Variants in DNAJB14 observed in about 807,000 individuals in gnomAD.
DNAJB14 encodes DnaJ heat shock protein family (Hsp40) member B14, also known as dnaJ homolog subfamily B member 14.
DNAJB14 carries 22 observed loss-of-function variants against 48.4 expected under a neutral mutation model. The observed-to-expected ratio is 0.45, with a 90% confidence interval of 0.32 to 0.65. The LOEUF is 0.65. Ranked by LOEUF, DNAJB14 falls within the 30% of genes least tolerant of loss-of-function variation. DNAJB14 has a pLI of 0.03. For synonymous variants in DNAJB14, 142 were observed against 158.7 expected (o/e 0.89, Z 0.79); for missense variants, 319 against 458.8 (o/e 0.70, Z 2.78).
rs1725192213 is a variant in DNAJB14, at chr4:99,898,324, A to G, written c.*2704T>C. The G allele has an allele frequency of 1.3e-5, 2 of 152,002 alleles. No homozygotes were observed. Among genetic ancestry groups the G allele is most frequent in the African/African-American group, 4.8e-5 (2 of 41,434 alleles). The allele number at this position is 152,002 out of a possible 1,614,324, so 9.4% of individuals were successfully genotyped here. Reference sequence around the variant, plus strand: ...AGCATGTAATGATTATGAAACAAATACTTATTTAGGTGTTCAAATGTAATC... The same window carrying G: ...AGCATGTAATGATTATGAAACAAATGCTTATTTAGGTGTTCAAATGTAATC... On this transcript the variant is annotated 3_prime_UTR_variant, in exon 8 of 8. Coordinates refer to ENST00000442697, the MANE Select transcript of DNAJB14 (RefSeq NM_001031723.4).
intron 2 of DNAJB14, chr4:99,928,611 T>C (rs1726344045): frequency 2.2e-6 from 1 of 453,160 alleles, no homozygotes; most frequent in African/African-American, 2.0e-5. Flanking sequence ...TTCTTTTTCT[T>C]TCAAGGCTAG....
intron 1 of DNAJB14, among the ~76,000 whole-genome samples, chr4:99,938,097 CA>C (rs59597113): frequency 0.012 from 481 of 40,972 alleles, no homozygotes; most frequent in Non-Finnish European, 0.018. Context: ...GTTAAAAATA[CA>C]AAAAAAAAAA....
At chr4:99,908,299 T>C (rs1256737614) in intron 4 of DNAJB14, among the ~76,000 whole-genome samples, 1 of 152,138 alleles carries the variant, frequency 6.6e-6, no homozygotes, top group African/African-American at 2.4e-5. Context: ...TCTACATATA[T>C]CCAAATTAGC....
rs1725244817 is a variant in DNAJB14 at position 99,900,037 on chromosome 4, T to C, written c.*991A>G. ...CTACTTATATGTTTAGGAGTTGGCA[T>C]AGGGTTAAAAGGCACAAAGCTGTAT... is the stretch of plus-strand genomic sequence containing the variant. On this transcript the variant is annotated 3_prime_UTR_variant, in exon 8 of 8. Transcript: ENST00000442697. 6.6e-6 allele frequency: 1 copy of C among 152,420 alleles called. No individual in the cohort carries two copies. 9.4% of individuals were successfully genotyped at this position (152,420 alleles called of 1,614,324 possible).
chr4:99,939,954 T>G (rs977421079), intron 1 of DNAJB14, among the ~76,000 whole-genome samples: 2 of 152,234 alleles, frequency 1.3e-5, no homozygotes, highest in South Asian at 4.1e-4. Flanking sequence ...AACATTCACT[T>G]TTATGAAAAA....
intron 1 of DNAJB14, among the ~76,000 whole-genome samples, chr4:99,939,295 G>C (rs1352350534): frequency 6.6e-6 from 1 of 152,226 alleles, no homozygotes; most frequent in Non-Finnish European, 1.5e-5. Context: ...CCGGGAGATG[G>C]AGGTTGCAGT....
rs982877563 is a variant in DNAJB14 at position 99,905,983 on chromosome 4, C to T, written c.733-277G>A. 3.1e-6 allele frequency: 4 copies of T among 1,289,026 alleles called. No individual in the cohort carries two copies. In the African/African-American group the frequency reaches 4.6e-5, roughly 15 times the overall value. The allele number at this position is 1,289,026 out of a possible 1,614,324, so 79.8% of individuals were successfully genotyped here. On this transcript the variant is annotated intron_variant, in intron 5 of 7. Coordinates refer to ENST00000442697, the MANE Select transcript of DNAJB14 (RefSeq NM_001031723.4). ...CTCTTTCTCTTTCCCGACTCCCTCC[C>T]CCCCACACACAGAGACGCTATCAAT...
intron 7 of DNAJB14, among the ~76,000 whole-genome samples, chr4:99,903,354 T>C (rs1288475043): frequency 1.3e-5 from 2 of 151,922 alleles, no homozygotes; most frequent in Non-Finnish European, 2.9e-5. Flanking sequence ...AGTTTCAAAC[T>C]TAACTCTGAA....
chr4:99,913,499 G>C (rs1219267056), intron 3 of DNAJB14, among the ~76,000 whole-genome samples: 5 of 151,734 alleles, frequency 3.3e-5, no homozygotes, highest in African/African-American at 1.2e-4. Flanking sequence ...ATAGTGAATT[G>C]ACTTTGCTAC....
intron 1 of DNAJB14, among the ~76,000 whole-genome samples, chr4:99,937,038 C>T (rs987839046): frequency 6.6e-6 from 1 of 152,204 alleles, no homozygotes; most frequent in African/African-American, 2.4e-5. Flanking sequence ...ATAACATCGC[C>T]AGGCGCAGTG....
intron 2 of DNAJB14, chr4:99,927,291 T>C (rs1726292558): frequency 6.6e-6 from 1 of 152,180 alleles, no homozygotes; most frequent in African/African-American, 2.4e-5. Context: ...TCGATTCTCT[T>C]TTTTTCATGT....
intron 3 of DNAJB14, among the ~76,000 whole-genome samples, chr4:99,920,216 G>T (rs1006301545): frequency 1.3e-5 from 2 of 152,144 alleles, no homozygotes; most frequent in Non-Finnish European, 1.5e-5. Context: ...TTCTGTGTAA[G>T]GTTTATTTCC....
intron 3 of DNAJB14, 176 bp downstream of exon 3, chr4:99,922,845 TTTTGTGAAGCCAAACTGCA>T: frequency 1.9e-6 from 1 of 533,348 alleles, no homozygotes. Flanking sequence ...GGAATGTTGC[TTTTGTGAAGCCAAACTGCA>T]TTTGTTTGCC....
intron 3 of DNAJB14, among the ~76,000 whole-genome samples, chr4:99,914,723 G>A (rs571785956): frequency 3.9e-5 from 6 of 152,024 alleles, no homozygotes; most frequent in Admixed American, 3.3e-4. Context: ...ATTTCTACAG[G>A]GCTATTCACG....
At chr4:99,914,132 C>T (rs974691626) in intron 3 of DNAJB14, among the ~76,000 whole-genome samples, 5 of 152,136 alleles carry the variant, frequency 3.3e-5, no homozygotes, top group African/African-American at 1.2e-4. Flanking sequence ...ACTGTGAGAA[C>T]AGCAGCAAGA....
At chr4:99,918,197 C>G (rs1725925781) in intron 3 of DNAJB14, among the ~76,000 whole-genome samples, 1 of 152,152 alleles carries the variant, frequency 6.6e-6, no homozygotes. Context: ...TGGAAAACAT[C>G]TATTTTTCTA....
intron 3 of DNAJB14, among the ~76,000 whole-genome samples, chr4:99,916,618 T>C (rs943691209): frequency 3.3e-5 from 5 of 152,186 alleles, no homozygotes; most frequent in Non-Finnish European, 5.9e-5. Flanking sequence ...TTCTTGAACA[T>C]TTTTTAGAAT....
intron 1 of DNAJB14, among the ~76,000 whole-genome samples, chr4:99,943,218 A>G (rs1578242647): frequency 1.3e-5 from 2 of 152,318 alleles, no homozygotes; most frequent in Middle Eastern, 6.8e-3. Flanking sequence ...GTGAAAAAGG[A>G]GTCAGAGAAA....
chr4:99,928,979 A>G (rs1159267102), intron 2 of DNAJB14: 2 of 153,718 alleles, frequency 1.3e-5, no homozygotes, highest in African/African-American at 2.4e-5. Flanking sequence ...ACACAGTACT[A>G]TAAGTATAAA....
Sources: gnomAD v4.1 joint callset for allele counts (sites outside exome capture counted in the v4.1 genomes callset) on GRCh38, gnomAD v4.1.1 for gene constraint, MANE v1.5 for transcripts, NCBI Gene and HGNC (gene_info 2026-07-23, HGNC 2026-07-21) for gene names.